NAV2: variants seen among roughly 807,000 people sequenced by gnomAD.
The protein encoded by NAV2 is helicase, APC down-regulated 1.
NAV2 carries 54 observed loss-of-function variants against 223.2 expected under a neutral mutation model. The observed-to-expected ratio is 0.24, with a 90% CI of 0.19 to 0.30. The LOEUF is 0.30. Among genes scored for constraint, NAV2 ranks in the 10% least tolerant of loss-of-function variants. The probability of loss-of-function intolerance (pLI) is 1.00; values close to 1 mark genes in which losing one functional copy is unlikely to be tolerated. For synonymous variants in NAV2, 1,279 were observed against 1,239.3 expected (o/e 1.03, Z -0.67); for missense variants, 2,806 against 3,147.5 (o/e 0.89, Z 2.60).
At chr11:19,995,415 C>T (rs1179791265) in intron 11 of NAV2, among the ~76,000 whole-genome samples, 1 of 152,214 alleles carries the variant, frequency 6.6e-6, no homozygotes, top group Non-Finnish European at 1.5e-5. Context: ...TGAGTGGCTT[C>T]TTGCAGCTGG....
intron 6 of NAV2, among the ~76,000 whole-genome samples, chr11:19,926,220 T>C (rs946816377): frequency 9.9e-5 from 15 of 152,250 alleles, no homozygotes; most frequent in African/African-American, 3.6e-4. Context: ...ATCCTTATTC[T>C]AGCTTAGACT....
chr11:19,710,921 G>A (rs2152305992), upstream of NAV2: 1 of 152,336 alleles, frequency 6.6e-6, no homozygotes, highest in African/African-American at 2.4e-5. Context: ...TCTAAAGAAA[G>A]TTAAAACACA....
intron 1 of NAV2, among the ~76,000 whole-genome samples, chr11:19,567,339 G>A (rs756706213): frequency 6.6e-5 from 10 of 152,186 alleles, no homozygotes; most frequent in Non-Finnish European, 1.5e-4. Context: ...GATCCCAGGG[G>A]ACAACCGACC....
At chr11:19,948,575 G>A (rs2153366680) in intron 9 of NAV2, 116 bp from the exon 10 acceptor site, 1 of 1,194,392 alleles carries the variant, frequency 8.4e-7, no homozygotes, top group Non-Finnish European at 1.1e-6. Flanking sequence ...GGGGCTGGCT[G>A]TTTTATCCTA....
At chr11:20,092,454 C>T in intron 28 of NAV2, 86 bp downstream of exon 28, 2 of 1,401,620 alleles carry the variant, frequency 1.4e-6, no homozygotes, top group Non-Finnish European at 2.0e-6. Context: ...ATAAGCAGAT[C>T]AACAGATCAA....
intron 10 of NAV2, among the ~76,000 whole-genome samples, chr11:19,953,857 G>GCA (rs2047600495): frequency 2.1e-5 from 3 of 143,790 alleles, no homozygotes; most frequent in Admixed American, 1.4e-4. Flanking sequence ...GCACGCGCGC[G>GCA]CGTGTGTGTG....
intron 1 of NAV2, among the ~76,000 whole-genome samples, chr11:19,620,191 C>T (rs1199851030): frequency 6.6e-6 from 1 of 152,168 alleles, no homozygotes; most frequent in African/African-American, 2.4e-5. Flanking sequence ...AGTCAGGTAG[C>T]ATGATGCCTC....
intron 1 of NAV2, among the ~76,000 whole-genome samples, chr11:19,702,812 TAATAATAATAATAA>T (rs2049547292): frequency 7.0e-6 from 1 of 142,384 alleles, no homozygotes; most frequent in Non-Finnish European, 1.5e-5. Flanking sequence ...ATAGTAATAA[TAATAATAATAATAA>T]GTCCCTTGAA....
In NAV2 at chr11:19,949,044, T is replaced by A. The variant is rs774184822; in HGVS notation, c.2609T>A (p.Leu870Gln). The stretch of plus-strand genomic sequence containing the variant: ...GGCTACATGAGCGACGGGGATGTTC[T>A]GAGCAAGAACATCCGGACCGATGAC... ...APGYMSDGDV[L>Q]SKNIRTDDIT... The change falls in exon 10 of 38, where the codon CTG (leucine) becomes CAG (glutamine). Residue 870 changes from leucine (L) to glutamine (Q), a missense_variant. Physicochemically the swap from Leu to Gln is moderately radical, Grantham distance 113 (BLOSUM62 -2). Coordinates refer to ENST00000349880, the MANE Select transcript of NAV2 (RefSeq NM_145117.5). 5.6e-6 allele frequency: 9 copies of A among 1,613,064 alleles called. No individual in the cohort carries two copies. The Admixed American group carries it at 1.3e-4, about 24-fold the overall frequency.
intron 12 of NAV2, among the ~76,000 whole-genome samples, chr11:20,038,566 T>C (rs2056618681): frequency 6.6e-6 from 1 of 152,226 alleles, no homozygotes; most frequent in South Asian, 2.1e-4. Context: ...CATATCACGC[T>C]GAGGAATGCT....
intron 32 of NAV2, among the ~76,000 whole-genome samples, 182 bp downstream of exon 32, chr11:20,101,354 C>T (rs375577944): frequency 5.9e-5 from 9 of 152,208 alleles, no homozygotes; most frequent in East Asian, 1.9e-4. Context: ...TTAAGCTGAT[C>T]GAGCTCATTT....
intron 1 of NAV2, among the ~76,000 whole-genome samples, chr11:19,610,228 T>A (rs2046597774): frequency 6.6e-6 from 1 of 152,230 alleles, no homozygotes; most frequent in Admixed American, 6.5e-5. Context: ...TCTGCATTAG[T>A]TCAATTCAAT....
chr11:19,679,754 C>T (rs1191268689), intron 1 of NAV2, among the ~76,000 whole-genome samples: 1 of 152,228 alleles, frequency 6.6e-6, no homozygotes, highest in Admixed American at 6.5e-5. Context: ...CTGTGTACTC[C>T]TGTACCTGGT....
chr11:19,359,063 A>G (rs1853783715), intron 1 of NAV2, among the ~76,000 whole-genome samples: 1 of 152,232 alleles, frequency 6.6e-6, no homozygotes, highest in Admixed American at 6.5e-5. Context: ...TGTTGAATGA[A>G]TGAGTGACAG....
At chr11:19,758,921 T>C (rs1418423976) in intron 1 of NAV2, among the ~76,000 whole-genome samples, 1 of 151,912 alleles carries the variant, frequency 6.6e-6, no homozygotes, top group African/African-American at 2.4e-5. Flanking sequence ...TCTTAATTAA[T>C]TATCCCCCCT....
intron 1 of NAV2, among the ~76,000 whole-genome samples, chr11:19,697,503 A>C (rs907239387): frequency 6.6e-6 from 1 of 151,910 alleles, no homozygotes; most frequent in Non-Finnish European, 1.5e-5. Context: ...GAGACAAGAT[A>C]GTTCTTTTTT....
chr11:20,098,224 G>T (rs1045668226), intron 31 of NAV2, among the ~76,000 whole-genome samples: 3 of 152,092 alleles, frequency 2.0e-5, no homozygotes, highest in African/African-American at 7.2e-5. Flanking sequence ...TAAGCCCCAG[G>T]CCAGTGGATT....
intron 1 of NAV2, among the ~76,000 whole-genome samples, chr11:19,665,749 T>C (rs2048393645): frequency 6.6e-6 from 1 of 152,218 alleles, no homozygotes; most frequent in Non-Finnish European, 1.5e-5. Flanking sequence ...TTGGCTCAAG[T>C]TAATAGTGAA....
chr11:19,706,203 T>G (rs1197861412), intron 1 of NAV2, among the ~76,000 whole-genome samples: 4 of 152,254 alleles, frequency 2.6e-5, no homozygotes, highest in Admixed American at 2.0e-4. Flanking sequence ...CCTTTTCTTC[T>G]ATTACATTAT....
Sources: allele counts gnomAD v4.1 joint callset (sites outside exome capture counted in the v4.1 genomes callset), GRCh38; gene constraint gnomAD v4.1.1; transcripts MANE v1.5; gene names NCBI Gene and HGNC (gene_info 2026-07-23, HGNC 2026-07-21).